SYNDIG1: variants seen among roughly 807,000 people sequenced by gnomAD.
SYNDIG1 encodes synapse differentiation-inducing gene protein 1.
A neutral mutation model predicts 19.4 loss-of-function variants in SYNDIG1; 9 were observed. That is an observed-to-expected ratio of 0.46 (90% CI 0.28 to 0.81). The LOEUF is 0.81. Ranked by LOEUF, SYNDIG1 falls within the 30% of genes least tolerant of loss-of-function variation. The pLI is 0.12. For synonymous variants in SYNDIG1, 141 were observed against 145.9 expected, an observed-to-expected ratio of 0.97 and a Z score of 0.24; for missense variants, 311 against 343.3, an observed-to-expected ratio of 0.91 and a Z score of 0.74.
At chr20:24,599,715 A>C (rs532043268) in intron 3 of SYNDIG1, among the ~76,000 whole-genome samples, 13 of 152,338 alleles carry the variant, frequency 8.5e-5, no homozygotes, top group African/African-American at 3.1e-4. Context: ...TATTAAGTGA[A>C]ATAAGCCAGG....
At chr20:24,577,729 C>G (rs1914776926) in intron 2 of SYNDIG1, among the ~76,000 whole-genome samples, 1 of 152,208 alleles carries the variant, frequency 6.6e-6, no homozygotes, top group South Asian at 2.1e-4. Flanking sequence ...TGCCCTGGAG[C>G]CACCATAAAT....
chr20:24,560,694 C>CTT lies in SYNDIG1; in HGVS notation c.480+17137_480+17138dup, dbSNP rs10658853. Among the ~76,000 whole-genome samples, 85 of 113,770 alleles carry CTT rather than the reference C, an allele frequency of 7.5e-4. 6 individuals carry two copies. Among genetic ancestry groups the CTT allele is most frequent in the African/African-American group, 1.8e-3 (55 of 29,878 alleles). 74.6% of individuals were successfully genotyped at this position (113,770 alleles called of 152,430 possible). On this transcript the variant is annotated intron_variant, in intron 2 of 3. Transcript: ENST00000376862. ...CCCCCGAGACAGTTTCTGTTGACTA[C>CTT]TTTTTTTTTTTTTTTTTTTTTAAAC...
intron 3 of SYNDIG1, among the ~76,000 whole-genome samples, chr20:24,603,691 G>A (rs2058712451): frequency 6.6e-6 from 1 of 152,172 alleles, no homozygotes; most frequent in African/African-American, 2.4e-5. Flanking sequence ...GAGTAGAGTA[G>A]ACCATCAGGA....
At chr20:24,574,076 A>G (rs1009943538) in intron 2 of SYNDIG1, among the ~76,000 whole-genome samples, 3 of 152,188 alleles carry the variant, frequency 2.0e-5, no homozygotes, top group African/African-American at 7.2e-5. Flanking sequence ...AGCAGCCTCC[A>G]GGCTCCCACT....
intron 3 of SYNDIG1, among the ~76,000 whole-genome samples, chr20:24,594,781 G>A (rs377630199): frequency 3.2e-4 from 48 of 152,096 alleles, no homozygotes; most frequent in African/African-American, 1.1e-3. Flanking sequence ...TATTCTATTC[G>A]TGGCTATTGT....
intron 2 of SYNDIG1, among the ~76,000 whole-genome samples, chr20:24,582,372 G>A (rs549001838): frequency 1.3e-5 from 1 of 78,598 alleles, no homozygotes; most frequent in African/African-American, 5.4e-5. Context: ...CCCTTGCATG[G>A]CCTCCCCCCA....
chr20:24,660,701 C>G (rs371329431), intron 3 of SYNDIG1, among the ~76,000 whole-genome samples: 2 of 152,258 alleles, frequency 1.3e-5, no homozygotes, highest in Non-Finnish European at 2.9e-5. Context: ...CTCAGGCCCA[C>G]GCTCACCTTC....
At chr20:24,563,043 T>C (rs2057975987) in intron 2 of SYNDIG1, among the ~76,000 whole-genome samples, 1 of 152,210 alleles carries the variant, frequency 6.6e-6, no homozygotes, top group East Asian at 1.9e-4. Flanking sequence ...AAATTGTAGT[T>C]TAATAAAGTT....
chr20:24,665,650 G>GT lies in SYNDIG1; in HGVS notation c.*151dup, dbSNP rs1482061123. On this transcript the variant is annotated 3_prime_UTR_variant, in exon 4 of 4. Coordinates refer to ENST00000376862, the MANE Select transcript of SYNDIG1 (RefSeq NM_024893.3). Reference sequence around the variant, plus strand: ...GATTTCCTACCCATGGATTTATTTTGTTTTTATCCTTTAATTTCATGTTCA... The same window carrying GT: ...GATTTCCTACCCATGGATTTATTTTGTTTTTTATCCTTTAATTTCATGTTCA... 4 of 1,193,134 alleles carry GT rather than the reference G, an allele frequency of 3.4e-6. No homozygotes were observed. In the African/African-American group the frequency reaches 4.7e-5, roughly 14 times the overall value. The allele number at this position is 1,193,134 out of a possible 1,614,324, so 73.9% of individuals were successfully genotyped here. A position where few individuals can be genotyped will look rare whatever the true frequency, so the allele number is the denominator to read the frequency against.
chr20:24,628,107 G>T (rs376701731), intron 3 of SYNDIG1, among the ~76,000 whole-genome samples: 1 of 152,186 alleles, frequency 6.6e-6, no homozygotes, highest in African/African-American at 2.4e-5. Flanking sequence ...CTGTGAGTAC[G>T]GCTCGCTCTC....
intron 3 of SYNDIG1, among the ~76,000 whole-genome samples, chr20:24,626,975 C>A (rs1353493330): frequency 2.0e-5 from 3 of 152,182 alleles, no homozygotes; most frequent in African/African-American, 7.2e-5. Context: ...ACTCGGCAGG[C>A]TGAGGCAGGA....
At chr20:24,490,426 G>T (rs2056113422) in intron 1 of SYNDIG1, among the ~76,000 whole-genome samples, 1 of 152,152 alleles carries the variant, frequency 6.6e-6, no homozygotes, top group African/African-American at 2.4e-5. Flanking sequence ...GTCCTCATGG[G>T]AAAGGTGGTT....
intron 3 of SYNDIG1, among the ~76,000 whole-genome samples, chr20:24,611,961 G>A (rs2058855081): frequency 1.3e-5 from 2 of 152,208 alleles, no homozygotes; most frequent in South Asian, 4.1e-4. Flanking sequence ...GTCTTAATGA[G>A]AGTGTTCCTG....
intron 1 of SYNDIG1, among the ~76,000 whole-genome samples, chr20:24,494,462 A>C (rs2146331643): frequency 6.6e-6 from 1 of 152,300 alleles, no homozygotes; most frequent in Admixed American, 6.5e-5. Context: ...TTGGGTGGGC[A>C]CTGAAGTCAC....
chr20:24,598,128 C>T (rs1568673024), intron 3 of SYNDIG1, among the ~76,000 whole-genome samples: 1 of 152,184 alleles, frequency 6.6e-6, no homozygotes, highest in Non-Finnish European at 1.5e-5. Flanking sequence ...TCGCTGGCCA[C>T]AGCTCCAGTT....
At chr20:24,655,914 C>T (rs952861635) in intron 3 of SYNDIG1, among the ~76,000 whole-genome samples, 16 of 152,292 alleles carry the variant, frequency 1.1e-4, no homozygotes, top group African/African-American at 3.1e-4. Context: ...GCCTAGTGAA[C>T]GGATGGTCCA....
chr20:24,533,046 C>T (rs141692995), intron 1 of SYNDIG1, among the ~76,000 whole-genome samples: 1 of 151,996 alleles, frequency 6.6e-6, no homozygotes, highest in African/African-American at 2.4e-5. Context: ...GGAGAGAATC[C>T]GTCTTTTAGG....
chr20:24,497,372 C>T (rs776533937), intron 1 of SYNDIG1, among the ~76,000 whole-genome samples: 25 of 151,918 alleles, frequency 1.6e-4, no homozygotes, highest in Non-Finnish European at 2.9e-4. Flanking sequence ...GGCTAATTTT[C>T]GTATTTTGAG....
At chr20:24,503,562 T>G (rs2056509445) in intron 1 of SYNDIG1, among the ~76,000 whole-genome samples, 1 of 152,066 alleles carries the variant, frequency 6.6e-6, no homozygotes, top group African/African-American at 2.4e-5. Context: ...GCAATGAGCG[T>G]CACCCCCAAA....
Sources: allele counts gnomAD v4.1 joint callset (sites outside exome capture counted in the v4.1 genomes callset), GRCh38; gene constraint gnomAD v4.1.1; transcripts MANE v1.5; gene names NCBI Gene and HGNC (gene_info 2026-07-23, HGNC 2026-07-21).